MELK: variants seen among roughly 807,000 people sequenced by gnomAD.
MELK encodes the protein pEg3 kinase.
MELK carries 81 observed loss-of-function variants against 85.0 expected under a neutral mutation model. The observed-to-expected ratio is 0.95, with a 90% CI of 0.80 to 1.15. The LOEUF (loss-of-function observed/expected upper bound fraction) is 1.15, where lower values mean the gene tolerates loss of function less well. Among genes scored for constraint, MELK ranks in the 50% most tolerant of loss-of-function variants. The pLI, the probability that MELK is intolerant of heterozygous loss-of-function variation, is 0.00. For synonymous variants in MELK, 252 were observed against 265.0 expected, an observed-to-expected ratio of 0.95 and a Z score of 0.48; for missense variants, 754 against 777.5, an observed-to-expected ratio of 0.97 and a Z score of 0.36.
chr9:36,666,859 G>GTT (rs1832393993), intron 14 of MELK, among the ~76,000 whole-genome samples: 1 of 4,512 alleles, frequency 2.2e-4, no homozygotes, highest in Non-Finnish European at 1.1e-3. Context: ...GTGTTTGTGT[G>GTT]TGTGTGTGTG....
intron 7 of MELK, among the ~76,000 whole-genome samples, chr9:36,603,435 A>G (rs1206730068): frequency 2.0e-5 from 3 of 151,406 alleles, no homozygotes; most frequent in Non-Finnish European, 2.9e-5. Context: ...CAATTATTTT[A>G]TCTTTTTTTT....
At chr9:36,610,884 A>G (rs1274100903) in intron 8 of MELK, among the ~76,000 whole-genome samples, 1 of 152,198 alleles carries the variant, frequency 6.6e-6, no homozygotes, top group Non-Finnish European at 1.5e-5. Flanking sequence ...TCTGTAAAGT[A>G]GGGCTGTGTT....
chr9:36,588,474 G>T (rs1344046859), intron 3 of MELK, among the ~76,000 whole-genome samples: 2 of 149,682 alleles, frequency 1.3e-5, no homozygotes, highest in Non-Finnish European at 3.0e-5. Flanking sequence ...CCACCTCCTG[G>T]GTTCAAGCAA....
intron 8 of MELK, among the ~76,000 whole-genome samples, chr9:36,617,498 A>G (rs758949404): frequency 5.9e-5 from 9 of 151,930 alleles, no homozygotes; most frequent in Admixed American, 1.3e-4. Context: ...ACACTTGGCT[A>G]ATATTTTTTG....
chr9:36,620,706 A>G (rs1827314024), intron 8 of MELK, among the ~76,000 whole-genome samples: 1 of 151,732 alleles, frequency 6.6e-6, no homozygotes, highest in Non-Finnish European at 1.5e-5. Flanking sequence ...GCTCACCACC[A>G]CACCCAGCTA....
chr9:36,595,495 G>A (rs1316918888), intron 5 of MELK, among the ~76,000 whole-genome samples: 2 of 151,836 alleles, frequency 1.3e-5, no homozygotes, highest in African/African-American at 2.4e-5. Context: ...GCCTCCCAAA[G>A]TGCTGGGATT....
At chr9:36,636,993 C>T (rs560610594) in intron 10 of MELK, among the ~76,000 whole-genome samples, 9 of 152,030 alleles carry the variant, frequency 5.9e-5, no homozygotes, top group South Asian at 4.2e-4. Context: ...TGCCACCACC[C>T]GGCTAATTTT....
chr9:36,665,858 T>A (rs1403368750), intron 14 of MELK, among the ~76,000 whole-genome samples: 10 of 152,224 alleles, frequency 6.6e-5, no homozygotes, highest in Admixed American at 6.5e-4. Context: ...TAGAGCTCAT[T>A]TAATCCAACT....
At chr9:36,600,198 A>T (rs774313496) in intron 7 of MELK, among the ~76,000 whole-genome samples, 18 of 151,094 alleles carry the variant, frequency 1.2e-4, no homozygotes, top group Non-Finnish European at 2.2e-4. Flanking sequence ...GGTTCAAGCG[A>T]TTCTCCTTCA....
chr9:36,601,412 GTTTC>G (rs1824910831), intron 7 of MELK, among the ~76,000 whole-genome samples: 2 of 152,026 alleles, frequency 1.3e-5, no homozygotes, highest in South Asian at 4.2e-4. Flanking sequence ...TTTATTTAAT[GTTTC>G]TTTATGATTA....
intron 7 of MELK, among the ~76,000 whole-genome samples, chr9:36,602,487 CAA>C (rs765623860): frequency 1.2e-4 from 5 of 41,344 alleles, no homozygotes; most frequent in African/African-American, 2.6e-4. Context: ...AAGACTGTCT[CAA>C]AAAAAAAAAA....
intron 11 of MELK, among the ~76,000 whole-genome samples, chr9:36,646,054 GTAT>G (rs1402487315): frequency 1.3e-5 from 2 of 152,212 alleles, no homozygotes; most frequent in Non-Finnish European, 2.9e-5. Context: ...TGGGGTTTGT[GTAT>G]GTGTACTAAT....
intron 14 of MELK, among the ~76,000 whole-genome samples, chr9:36,667,075 T>G (rs760059412): frequency 1.3e-5 from 2 of 152,126 alleles, no homozygotes; most frequent in Non-Finnish European, 2.9e-5. Context: ...CCTTTGTGAC[T>G]CATGAGATTG....
chr9:36,650,711 A>G (rs1387456184), intron 11 of MELK, among the ~76,000 whole-genome samples: 1 of 152,246 alleles, frequency 6.6e-6, no homozygotes, highest in Non-Finnish European at 1.5e-5. Flanking sequence ...GATTAAACCA[A>G]GAAAGAAGAA....
intron 10 of MELK, among the ~76,000 whole-genome samples, chr9:36,641,395 C>T (rs1354099356): frequency 2.0e-5 from 3 of 152,026 alleles, no homozygotes; most frequent in African/African-American, 7.3e-5. Flanking sequence ...TTATTAAGTC[C>T]TGTTGCAATT....
At chr9:36,605,031 A>G (rs1825347826) in intron 7 of MELK, among the ~76,000 whole-genome samples, 1 of 150,562 alleles carries the variant, frequency 6.6e-6, no homozygotes, top group Non-Finnish European at 1.5e-5. Context: ...CTGGAATTAC[A>G]GACATGCACC....
chr9:36,621,247 G>A (rs568240674), intron 8 of MELK, among the ~76,000 whole-genome samples: 108 of 109,726 alleles, frequency 9.8e-4, no homozygotes, highest in African/African-American at 3.7e-3. Flanking sequence ...CCTCCAGTCT[G>A]AATGACAGAG....
At chr9:36,573,642 C>T (rs910432999) in intron 1 of MELK, among the ~76,000 whole-genome samples, 2 of 152,104 alleles carry the variant, frequency 1.3e-5, no homozygotes, top group Non-Finnish European at 2.9e-5. Flanking sequence ...AGTAGCTGAG[C>T]TTACAGACAT....
At position 36,594,685 on chromosome 9, in the gene MELK, G is replaced by C. The variant is rs765573002; in HGVS notation, c.319G>C (p.Glu107Gln). ...YIISQDRLSE[E>Q]ETRVVFRQIV... ...AATTTCCCAGGATCGCCTGTCAGAA[G>C]AGGAGACCCGGGTTGTCTTCCGTCA... is the stretch of plus-strand genomic sequence containing the variant. Residue 107 changes from glutamate (E) to glutamine (Q), a missense_variant, in exon 5 of 18, where the codon GAG becomes CAG. By Grantham distance (29) the Glu-to-Gln change is conservative. Coordinates refer to ENST00000298048, the MANE Select transcript of MELK (RefSeq NM_014791.4). The C allele has an allele frequency of 4.3e-6, 7 of 1,614,102 alleles. No homozygotes were observed. Among genetic ancestry groups the C allele is most frequent in the East Asian group, 2.2e-5 (1 of 44,884 alleles).
Sources: allele counts gnomAD v4.1 joint callset (sites outside exome capture counted in the v4.1 genomes callset), GRCh38; gene constraint gnomAD v4.1.1; transcripts MANE v1.5; gene names NCBI Gene and HGNC (gene_info 2026-07-23, HGNC 2026-07-21).